Variants in ANKRD55 observed in about 807,000 individuals in gnomAD.
ANKRD55 encodes ankyrin repeat domain-containing protein 55.
Under a neutral mutation model 60.6 loss-of-function variants are expected in ANKRD55, and 41 were observed. The ratio of observed to expected loss-of-function variants is 0.68; its 90% CI spans 0.53 to 0.88. The LOEUF (loss-of-function observed/expected upper bound fraction) is 0.88. ANKRD55 is among the 40% of genes least tolerant of loss of function. The pLI is 0.00. For synonymous variants in ANKRD55, 264 were observed against 290.3 expected (o/e 0.91, Z 0.92); for missense variants, 732 against 767.6 (o/e 0.95, Z 0.55).
At chr5:56,102,643 G>C in intron 10 of ANKRD55, 57 bp from the exon 11 acceptor site, 1 of 1,164,904 alleles carries the variant, frequency 8.6e-7, no homozygotes, top group Non-Finnish European at 1.3e-6. Context: ...GCAAATTACA[G>C]AATGCAATGG....
In ANKRD55 at chr5:56,193,183, ATATTTAC is replaced by A. The variant is rs1759142924; in HGVS notation, c.59-9556_59-9550del. ...AGGGCTGTATGAGTGGAGGAGCAGG[ATATTTAC>A]TAAGCAAAGAAAGCCTTGAAAAGAT... On this transcript the variant is annotated intron_variant, in intron 2 of 11. Coordinates refer to ENST00000341048, the MANE Select transcript of ANKRD55 (RefSeq NM_024669.3). The A allele has an allele frequency of 2.7e-5, 20 of 748,478 alleles. No individual in the cohort carries two copies. In the South Asian group the frequency reaches 3.2e-4, roughly 12 times the overall value. The allele number at this position is 748,478 out of a possible 1,614,324, so 46.4% of individuals were successfully genotyped here. A position where few individuals can be genotyped will look rare whatever the true frequency, so the allele number is the denominator to read the frequency against.
At chr5:56,177,106 T>C (rs943185424) in intron 3 of ANKRD55, among the ~76,000 whole-genome samples, 20 of 152,200 alleles carry the variant, frequency 1.3e-4, no homozygotes, top group African/African-American at 4.6e-4. Flanking sequence ...TTCAGAGTTG[T>C]GGCTGAGTCT....
chr5:56,174,593 G>A (rs66502208), intron 4 of ANKRD55, among the ~76,000 whole-genome samples: 25,275 of 152,028 alleles, frequency 0.17, 3,843 homozygotes, highest in African/African-American at 0.4. Flanking sequence ...AAATCGCCTG[G>A]GAGGCTGAGG....
chr5:56,160,565 A>G (rs1462855007), intron 5 of ANKRD55, among the ~76,000 whole-genome samples: 1 of 152,124 alleles, frequency 6.6e-6, no homozygotes, highest in Non-Finnish European at 1.5e-5. Context: ...TTATACACAC[A>G]TGCCTAAGCA....
chr5:56,137,316 A>AT, intron 7 of ANKRD55: 1 of 1,551,320 alleles, frequency 6.4e-7, no homozygotes, highest in Non-Finnish European at 8.8e-7. Flanking sequence ...TTATCTGGTC[A>AT]TTGAGCATAT....
intron 5 of ANKRD55, among the ~76,000 whole-genome samples, chr5:56,169,940 C>T (rs78894935): frequency 0.01 from 1,536 of 152,232 alleles, 28 homozygotes; most frequent in African/African-American, 0.035. Flanking sequence ...GGGACCGAGG[C>T]CATGTAGACA....
At chr5:56,107,346 T>C (rs1186392414) in intron 10 of ANKRD55, among the ~76,000 whole-genome samples, 3 of 152,168 alleles carry the variant, frequency 2.0e-5, no homozygotes, top group Admixed American at 1.3e-4. Context: ...ATTGGAGAAA[T>C]TCACCTTCCC....
intron 2 of ANKRD55, among the ~76,000 whole-genome samples, chr5:56,186,533 AG>A (rs537683961): frequency 1.5e-3 from 228 of 152,280 alleles, no homozygotes; most frequent in Non-Finnish European, 1.6e-3. Context: ...GTTTGTTGTG[AG>A]GAAAAAAATG....
intron 6 of ANKRD55, among the ~76,000 whole-genome samples, chr5:56,151,579 G>A (rs1434244674): frequency 2.0e-5 from 3 of 152,028 alleles, no homozygotes; most frequent in South Asian, 2.1e-4. Context: ...TTGGGAGGCC[G>A]AGGCAGGTGG....
chr5:56,204,609 T>C (rs1376747954), intron 2 of ANKRD55, among the ~76,000 whole-genome samples: 2 of 152,182 alleles, frequency 1.3e-5, no homozygotes, highest in African/African-American at 4.8e-5. Flanking sequence ...TCTGCCATGA[T>C]TGTAAGTTTC....
intron 7 of ANKRD55, among the ~76,000 whole-genome samples, chr5:56,135,209 A>C (rs2111739462): frequency 9.3e-6 from 1 of 108,032 alleles, no homozygotes; most frequent in South Asian, 3.4e-4. Flanking sequence ...ATGTCTCACA[A>C]CTTTCCTTCC....
At chr5:56,199,479 A>C (rs1415796685) in intron 2 of ANKRD55, among the ~76,000 whole-genome samples, 1 of 152,152 alleles carries the variant, frequency 6.6e-6, no homozygotes, top group African/African-American at 2.4e-5. Flanking sequence ...AGTGATCACC[A>C]TTAAGTCAGA....
At chr5:56,224,790 T>C (rs974816415) in intron 2 of ANKRD55, among the ~76,000 whole-genome samples, 11 of 152,168 alleles carry the variant, frequency 7.2e-5, no homozygotes, top group African/African-American at 2.7e-4. Context: ...CAGGAAGAAG[T>C]TGAATCCTTG....
At chr5:56,188,339 G>A (rs1216681332) in intron 2 of ANKRD55, among the ~76,000 whole-genome samples, 1 of 149,146 alleles carries the variant, frequency 6.7e-6, no homozygotes, top group Non-Finnish European at 1.5e-5. Flanking sequence ...TCTCTGCCCT[G>A]CCCCCGCAAC....
At chr5:56,214,101 A>G (rs1484128155) in intron 2 of ANKRD55, among the ~76,000 whole-genome samples, 1 of 152,216 alleles carries the variant, frequency 6.6e-6, no homozygotes, top group East Asian at 1.9e-4. Flanking sequence ...TGTGAGTCTT[A>G]TTCACTACCA....
intron 3 of ANKRD55, among the ~76,000 whole-genome samples, chr5:56,177,383 A>G (rs1314235390): frequency 6.6e-6 from 1 of 152,076 alleles, no homozygotes; most frequent in Non-Finnish European, 1.5e-5. Flanking sequence ...CCTGTCAACA[A>G]GTGGTAATTA....
chr5:56,152,255 T>G (rs555670733), intron 6 of ANKRD55, among the ~76,000 whole-genome samples: 1 of 151,114 alleles, frequency 6.6e-6, no homozygotes, highest in African/African-American at 2.4e-5. Context: ...TTTGGTTCTA[T>G]CTCAGGAATG....
In ANKRD55 at chr5:56,167,639, G is replaced by A. The variant is rs150503716; in HGVS notation, c.422+3055C>T. ...ATTTTATCTTTCAGAATCAGTTAAGGGCTTTTTGGACAATATAACTAACTA... is the reference window on the plus strand; with the variant it reads ...ATTTTATCTTTCAGAATCAGTTAAGAGCTTTTTGGACAATATAACTAACTA... On this transcript the variant is annotated intron_variant, in intron 5 of 11. Transcript: ENST00000341048. 1.4e-3 allele frequency among the ~76,000 whole-genome samples: 218 copies of A among 152,262 alleles called. 2 individuals carry two copies. Among genetic ancestry groups the A allele is most frequent in the African/African-American group, 5.0e-3 (207 of 41,546 alleles).
Position 56,111,769 on chromosome 5 carries a change from G to T in ANKRD55, c.979C>A (p.Arg327=), listed in dbSNP as rs761675991. ...LSQESRTEPT[R]PPPSQSSRPQ... is the part of the protein sequence containing the mutation. ...CGACTGCTCTGGGAGGGAGGGGGTC[G>T]AGTAGGCTCTGTTCTATGCGAATAT... The change falls in exon 10 of 12, where the codon CGA becomes AGA. Residue 327 remains arginine (R), a synonymous_variant. Coordinates refer to ENST00000341048, the MANE Select transcript of ANKRD55 (RefSeq NM_024669.3). The T allele has an allele frequency of 6.6e-7, 1 of 1,512,160 alleles. No homozygotes were observed. Among genetic ancestry groups the T allele is most frequent in the Non-Finnish European group, 8.8e-7 (1 of 1,134,880 alleles). The allele number at this position is 1,512,160 out of a possible 1,614,324, so 93.7% of individuals were successfully genotyped here.
Sources: allele counts gnomAD v4.1 joint callset (sites outside exome capture counted in the v4.1 genomes callset), GRCh38; gene constraint gnomAD v4.1.1; transcripts MANE v1.5; gene names NCBI Gene and HGNC (gene_info 2026-07-23, HGNC 2026-07-21).